IKZF1: variants seen among roughly 807,000 people sequenced by gnomAD.
IKZF1 encodes DNA-binding protein Ikaros.
In IKZF1, 10 loss-of-function variants were observed where a neutral mutation model predicts 51.7. The ratio of observed to expected loss-of-function variants is 0.19; its 90% confidence interval spans 0.12 to 0.33. IKZF1 has a LOEUF of 0.33. Ranked by LOEUF, IKZF1 falls within the 10% of genes least tolerant of loss-of-function variation. The pLI, the probability that IKZF1 is intolerant of heterozygous loss-of-function variation, is 1.00. For synonymous variants in IKZF1, 280 were observed against 282.3 expected (o/e 0.99, Z 0.08); for missense variants, 484 against 707.5 (o/e 0.68, Z 3.58).
At chr7:50,337,218 G>T (rs1427887356) in intron 3 of IKZF1, among the ~76,000 whole-genome samples, 1 of 152,098 alleles carries the variant, frequency 6.6e-6, no homozygotes, top group Non-Finnish European at 1.5e-5. Context: ...GGGGTCACAG[G>T]ACTAGGGGAT....
At position 50,346,219 on chromosome 7, in the gene IKZF1, G is replaced by A. The variant is rs184035716; in HGVS notation, c.160+18462G>A. Among the ~76,000 whole-genome samples, 349 of 152,278 alleles carry A rather than the reference G, an allele frequency of 2.3e-3. 1 individual carries two copies. Among genetic ancestry groups the A allele is most frequent in the Non-Finnish European group, 4.0e-3 (269 of 68,018 alleles). ...ATCCCCAGTCTCATAAAACATACTG[G>A]ATGGAAGGCTGTCGAGAGATCATCA... On this transcript the variant is annotated intron_variant, in intron 3 of 7. Coordinates refer to ENST00000331340, the MANE Select transcript of IKZF1 (RefSeq NM_006060.6).
Position 50,401,806 on chromosome 7 carries a change from A to G in IKZF1, c.*1179A>G. On this transcript the variant is annotated 3_prime_UTR_variant, in exon 8 of 8. Coordinates refer to ENST00000331340, the MANE Select transcript of IKZF1 (RefSeq NM_006060.6). ...ATTTTCAACTCAATGAAATATGTGAAGCCCAGCATCTCTGTTGCTAACACA... is the reference window on the plus strand; with the variant it reads ...ATTTTCAACTCAATGAAATATGTGAGGCCCAGCATCTCTGTTGCTAACACA... 4.5e-6 allele frequency: 1 copy of G among 223,170 alleles called. No individual in the cohort carries two copies. The highest frequency in any genetic ancestry group is 9.0e-6 in the Non-Finnish European group (1 of 111,588). 13.8% of individuals were successfully genotyped at this position (223,170 alleles called of 1,614,324 possible).
intron 1 of IKZF1, among the ~76,000 whole-genome samples, chr7:50,305,727 T>A (rs1029265666): frequency 6.6e-6 from 1 of 152,204 alleles, no homozygotes; most frequent in Non-Finnish European, 1.5e-5. Context: ...ATTTCAGCTT[T>A]GAGATACCTT....
rs770892875 is a variant in IKZF1, at chr7:50,401,866, A to G, written c.*1239A>G. 5.5e-4 allele frequency: 125 copies of G among 225,628 alleles called. No individual in the cohort carries two copies. Among genetic ancestry groups the G allele is most frequent in the Non-Finnish European group, 7.2e-4 (81 of 113,238 alleles). 14.0% of individuals were successfully genotyped at this position (225,628 alleles called of 1,614,324 possible). A position where few individuals can be genotyped will look rare whatever the true frequency, so the allele number is the denominator to read the frequency against. ...CCTGTTTGAAACCAAGCTTTCAAAC[A>G]TGTTGAAGCTCTTTACTGTAAAGGC... On this transcript the variant is annotated 3_prime_UTR_variant, in exon 8 of 8. Transcript: ENST00000331340.
chr7:50,378,154 C>T (rs762611104), intron 4 of IKZF1, among the ~76,000 whole-genome samples: 47 of 152,228 alleles, frequency 3.1e-4, no homozygotes, highest in Non-Finnish European at 5.6e-4. Context: ...ATATTTGAAT[C>T]GGGCGGTTTT....
At position 50,404,767 on chromosome 7, in the gene IKZF1, A is replaced by T. The variant is rs1415897843; in HGVS notation, c.*4140A>T. 1 of 228,916 alleles carries T rather than the reference A, an allele frequency of 4.4e-6. No individual in the cohort carries two copies. The highest frequency in any genetic ancestry group is 5.7e-5 in the Admixed American group (1 of 17,626). The allele number at this position is 228,916 out of a possible 1,614,324, so 14.2% of individuals were successfully genotyped here. A position where few individuals can be genotyped will look rare whatever the true frequency, so the allele number is the denominator to read the frequency against. ...AGTCATTCTGTGAGTGGCCGGGCCC[A>T]GGGCCCTCACAATTTCACTACCTTG... On this transcript the variant is annotated 3_prime_UTR_variant, in exon 8 of 8. Coordinates refer to ENST00000331340, the MANE Select transcript of IKZF1 (RefSeq NM_006060.6).
In IKZF1 at chr7:50,352,140, T is replaced by TAGTG. The variant is rs1271617018; in HGVS notation, c.160+24384_160+24387dup. Among the ~76,000 whole-genome samples the TAGTG allele has an allele frequency of 2.6e-5, 4 of 152,248 alleles. No individual in the cohort carries two copies. The East Asian group carries it at 5.8e-4, about 22-fold the overall frequency. ...CACAACAGTCCAGATTTCAACTGTG[T>TAGTG]AGTGCTCTTTCAGCCAGAAAGTACA... On this transcript the variant is annotated intron_variant, in intron 3 of 7. Coordinates refer to ENST00000331340, the MANE Select transcript of IKZF1 (RefSeq NM_006060.6).
intron 1 of IKZF1, among the ~76,000 whole-genome samples, chr7:50,306,997 G>A (rs917551898): frequency 4.6e-5 from 7 of 152,308 alleles, no homozygotes; most frequent in African/African-American, 1.4e-4. Context: ...CACACAGAGC[G>A]TGCACACACA....
intron 3 of IKZF1, among the ~76,000 whole-genome samples, chr7:50,336,253 C>CG (rs1797753769): frequency 6.8e-6 from 1 of 147,726 alleles, no homozygotes; most frequent in African/African-American, 2.5e-5. Flanking sequence ...CTGGCCCCGG[C>CG]GGGGGCAGGG....
chr7:50,382,407 A>C, intron 4 of IKZF1, 133 bp from the exon 5 acceptor site: 4 of 1,298,098 alleles, frequency 3.1e-6, no homozygotes, highest in Middle Eastern at 3.9e-4. Flanking sequence ...TTTAGTCTGA[A>C]AGCCTCATGT....
chr7:50,339,447 G>A (rs1798561560), intron 3 of IKZF1, among the ~76,000 whole-genome samples: 1 of 152,060 alleles, frequency 6.6e-6, no homozygotes, highest in African/African-American at 2.4e-5. Context: ...GGTTGCTGGG[G>A]GAGTATGATT....
intron 3 of IKZF1, chr7:50,367,963 C>T (rs1807459982): frequency 1.5e-6 from 1 of 647,496 alleles, no homozygotes; most frequent in East Asian, 2.7e-5. Flanking sequence ...ATACTCTCTC[C>T]TGGTATCACA....
chr7:50,363,958 A>G (rs865932612), intron 3 of IKZF1, among the ~76,000 whole-genome samples: 2 of 152,378 alleles, frequency 1.3e-5, no homozygotes, highest in South Asian at 2.1e-4. Context: ...ACCATACTCA[A>G]ACAAGGTCAT....
chr7:50,350,366 C>A (rs1801545611), intron 3 of IKZF1, among the ~76,000 whole-genome samples: 1 of 152,216 alleles, frequency 6.6e-6, no homozygotes. Flanking sequence ...TTCCAGTCAC[C>A]TTTGGCTTTC....
intron 3 of IKZF1, among the ~76,000 whole-genome samples, chr7:50,361,087 C>T (rs561776601): frequency 4.6e-5 from 7 of 152,352 alleles, no homozygotes; most frequent in East Asian, 1.9e-4. Context: ...ACCCCTGCCA[C>T]GATCCCTGAC....
Position 50,404,064 on chromosome 7 carries a change from G to C in IKZF1, c.*3437G>C. The C allele has an allele frequency of 4.6e-6, 1 of 215,340 alleles. No individual in the cohort carries two copies. 13.3% of individuals were successfully genotyped at this position (215,340 alleles called of 1,614,324 possible). On this transcript the variant is annotated 3_prime_UTR_variant, in exon 8 of 8. Coordinates refer to ENST00000331340, the MANE Select transcript of IKZF1 (RefSeq NM_006060.6). Reference sequence around the variant, plus strand: ...ACTTATTTAAGATGTACAGGCATCAGAAAAAAGAAGCACATAATGCTTTTG... The same window carrying C: ...ACTTATTTAAGATGTACAGGCATCACAAAAAAGAAGCACATAATGCTTTTG...
chr7:50,378,147 T>A (rs1021686459), intron 4 of IKZF1, among the ~76,000 whole-genome samples: 4 of 152,224 alleles, frequency 2.6e-5, no homozygotes, highest in African/African-American at 7.2e-5. Flanking sequence ...ATTTTTTATA[T>A]TTGAATCGGG....
intron 3 of IKZF1, among the ~76,000 whole-genome samples, chr7:50,356,204 A>C (rs1803326100): frequency 1.3e-5 from 2 of 152,248 alleles, no homozygotes; most frequent in South Asian, 4.1e-4. Context: ...TTATAATGTA[A>C]GGAAGTTTTA....
chr7:50,319,045 C>T lies in IKZF1; in HGVS notation c.-14-3C>T, dbSNP rs1792372120. 6.2e-7 allele frequency: 1 copy of T among 1,607,748 alleles called. No homozygotes were observed. Among genetic ancestry groups the T allele is most frequent in the Admixed American group, 1.7e-5 (1 of 59,882 alleles). On this transcript the variant is annotated splice_region_variant and splice_polypyrimidine_tract_variant and intron_variant, in intron 1 of 7. Coordinates refer to ENST00000331340, the MANE Select transcript of IKZF1 (RefSeq NM_006060.6). ...AACTAAAATCCCTTCCTCTCTTTCT[C>T]AGATAACCTGAGGACCATGGATGCT... is the stretch of plus-strand genomic sequence containing the variant.
Sources: gnomAD v4.1 joint callset for allele counts (sites outside exome capture counted in the v4.1 genomes callset) on GRCh38, gnomAD v4.1.1 for gene constraint, MANE v1.5 for transcripts, NCBI Gene and HGNC (gene_info 2026-07-23, HGNC 2026-07-21) for gene names.